LEPR: variants seen among roughly 807,000 people sequenced by gnomAD.
LEPR encodes the protein OB receptor.
A neutral mutation model predicts 114.7 loss-of-function variants in LEPR; 56 were observed. The observed-to-expected ratio is 0.49, with a 90% confidence interval of 0.39 to 0.61. The LOEUF is 0.61. Ranked by LOEUF, LEPR falls within the 20% of genes least tolerant of loss-of-function variation. The pLI, the probability that LEPR is intolerant of heterozygous loss-of-function variation, is 0.00. For synonymous variants in LEPR, 443 were observed against 461.4 expected, an observed-to-expected ratio of 0.96 and a Z score of 0.51; for missense variants, 1,202 against 1,352.9, an observed-to-expected ratio of 0.89 and a Z score of 1.75.
At chr1:65,635,943 T>C (rs1205704775) in intron 19 of LEPR, among the ~76,000 whole-genome samples, 1 of 152,214 alleles carries the variant, frequency 6.6e-6, no homozygotes, top group Admixed American at 6.5e-5. Flanking sequence ...GTTAGTGTAC[T>C]TGTTCATGGT....
intron 2 of LEPR, among the ~76,000 whole-genome samples, chr1:65,493,674 T>C (rs1647996848): frequency 6.6e-6 from 1 of 152,198 alleles, no homozygotes; most frequent in Non-Finnish European, 1.5e-5. Flanking sequence ...GATCTTTCTT[T>C]ACATTTTTAA....
intron 5 of LEPR, among the ~76,000 whole-genome samples, chr1:65,587,849 T>G (rs1042256362): frequency 6.6e-6 from 1 of 152,046 alleles, no homozygotes; most frequent in Non-Finnish European, 1.5e-5. Flanking sequence ...CTATTTTTCA[T>G]GTTTTTTATA....
At chr1:65,630,485 G>T (rs1658472183) in intron 19 of LEPR, 1 of 151,578 alleles carries the variant, frequency 6.6e-6, no homozygotes. Flanking sequence ...ATCTGGAGTG[G>T]TTCTTTTTTT....
intron 2 of LEPR, among the ~76,000 whole-genome samples, chr1:65,559,909 T>C (rs1653181839): frequency 7.0e-6 from 1 of 142,070 alleles, no homozygotes; most frequent in Non-Finnish European, 1.6e-5. Flanking sequence ...CATTGATCTA[T>C]ATCTCTGTTT....
chr1:65,469,959 G>C (rs965841806), intron 2 of LEPR, among the ~76,000 whole-genome samples: 1 of 152,164 alleles, frequency 6.6e-6, no homozygotes, highest in African/African-American at 2.4e-5. Context: ...GTGAGATTAG[G>C]TCAGAGTCAG....
chr1:65,566,423 A>T (rs1380073342), intron 3 of LEPR, among the ~76,000 whole-genome samples: 3 of 152,010 alleles, frequency 2.0e-5, no homozygotes, highest in Non-Finnish European at 2.9e-5. Flanking sequence ...GATGGTCTCA[A>T]TCTCTTGACC....
In LEPR at chr1:65,484,080, C is replaced by T. The variant is rs926350460; in HGVS notation, c.-21+58702C>T. On this transcript the variant is annotated intron_variant, in intron 2 of 19. Transcript: ENST00000349533. Reference sequence around the variant, plus strand: ...TTACATTGCCCAGGCTGGTCTCGAACCCCTAGCTTCAAGAGATCCTCTTGC... The same window carrying T: ...TTACATTGCCCAGGCTGGTCTCGAATCCCTAGCTTCAAGAGATCCTCTTGC... Among the ~76,000 whole-genome samples, 3 of 152,008 alleles carry T rather than the reference C, an allele frequency of 2.0e-5. No individual in the cohort carries two copies. The South Asian group carries it at 6.2e-4, about 32-fold the overall frequency.
rs925413252 is a variant in LEPR at position 65,636,955 on chromosome 1, A to G, written c.3438A>G (p.Gln1146=). Residue 1146 remains glutamine, a synonymous_variant, in exon 20 of 20, where the codon CAA becomes CAG. Coordinates refer to ENST00000349533, the MANE Select transcript of LEPR (RefSeq NM_002303.6). Reference sequence around the variant, plus strand: ...TTGCATCTTACATGCCTCAATTCCAAACTTGTTCTACTCAGACTCATAAGA... The same window carrying G: ...TTGCATCTTACATGCCTCAATTCCAGACTTGTTCTACTCAGACTCATAAGA... The part of the protein sequence containing the change: ...KTFASYMPQF[Q]TCSTQTHKIM... 1 of 1,610,292 alleles carries G rather than the reference A, an allele frequency of 6.2e-7. No individual in the cohort carries two copies. The highest frequency in any genetic ancestry group is 1.3e-5 in the African/African-American group (1 of 74,618).
chr1:65,434,658 C>T (rs913409939), intron 2 of LEPR: 2 of 985,420 alleles, frequency 2.0e-6, no homozygotes, highest in Non-Finnish European at 2.4e-6. Context: ...CTTTCCACCC[C>T]TTTTCCTAAG....
At chr1:65,584,297 C>A (rs1319721472) in intron 5 of LEPR, among the ~76,000 whole-genome samples, 2 of 152,062 alleles carry the variant, frequency 1.3e-5, no homozygotes, top group African/African-American at 4.8e-5. Context: ...AAACCAGTGT[C>A]TGGAGGATAG....
chr1:65,534,853 G>GA (rs746141691), intron 2 of LEPR, among the ~76,000 whole-genome samples: 75 of 152,282 alleles, frequency 4.9e-4, no homozygotes, highest in East Asian at 1.3e-3. Context: ...TTAAAAACGT[G>GA]AAAAACTCAT....
At chr1:65,452,447 C>G (rs1476420120) in intron 2 of LEPR, among the ~76,000 whole-genome samples, 1 of 150,514 alleles carries the variant, frequency 6.6e-6, no homozygotes, top group East Asian at 2.0e-4. Context: ...TTTTGAGATA[C>G]GTCCCATCAA....
chr1:65,453,956 C>T (rs1159074869), intron 2 of LEPR, among the ~76,000 whole-genome samples: 2 of 151,408 alleles, frequency 1.3e-5, no homozygotes, highest in East Asian at 3.9e-4. Flanking sequence ...CTTTATGAAT[C>T]TGGGTGCTCC....
At chr1:65,567,252 G>T (rs1369764954) in intron 3 of LEPR, among the ~76,000 whole-genome samples, 2 of 152,112 alleles carry the variant, frequency 1.3e-5, no homozygotes, top group Non-Finnish European at 2.9e-5. Flanking sequence ...TGTTTTTAAA[G>T]TTCATCATTA....
At position 65,618,130 on chromosome 1, in the gene LEPR, G is replaced by T. The variant is rs368640027; in HGVS notation, c.2379G>T (p.Lys793Asn). Residue 793 changes from lysine to asparagine, a missense_variant, in exon 16 of 20, where the codon AAG becomes AAT. Lys to Asn is a moderately conservative substitution (Grantham distance 94). Transcript: ENST00000349533. ...IKWLRISSSVKKYYIHDHFIP... is the reference protein window; with the variant it reads ...IKWLRISSSVNKYYIHDHFIP... Reference sequence around the variant, plus strand: ...GGCTTAGAATCTCTTCATCTGTTAAGAAGTATTATATCCATGGTAAGTTTA... The same window carrying T: ...GGCTTAGAATCTCTTCATCTGTTAATAAGTATTATATCCATGGTAAGTTTA... 3 of 1,607,638 alleles carry T rather than the reference G, an allele frequency of 1.9e-6. No homozygotes were observed. The African/African-American group carries it at 4.0e-5, about 22-fold the overall frequency.
chr1:65,585,341 A>T (rs566160950), intron 5 of LEPR, among the ~76,000 whole-genome samples: 1 of 152,212 alleles, frequency 6.6e-6, no homozygotes, highest in South Asian at 2.1e-4. Context: ...ATTTGGTGTT[A>T]TTCCTGTAAT....
In LEPR at chr1:65,472,647, CAT is replaced by C. The variant is rs200655862; in HGVS notation, c.-21+47274_-21+47275del. Among the ~76,000 whole-genome samples the C allele has an allele frequency of 2.5e-3, 358 of 144,636 alleles. 3 individuals are homozygous for C. Among genetic ancestry groups the C allele is most frequent in the African/African-American group, 7.8e-3 (313 of 39,984 alleles). The allele number at this position is 144,636 out of a possible 152,430, so 94.9% of individuals were successfully genotyped here. A position where few individuals can be genotyped will look rare whatever the true frequency, so the allele number is the denominator to read the frequency against. On this transcript the variant is annotated intron_variant, in intron 2 of 19. Transcript: ENST00000349533. ...ACACACACACACACACACACACACA[CAT>C]ATATTTCTTTTTTAAAAGAGTGTAA... is the stretch of plus-strand genomic sequence containing the variant.
At chr1:65,607,931 G>A (rs1006491666) in intron 11 of LEPR, among the ~76,000 whole-genome samples, 1 of 152,144 alleles carries the variant, frequency 6.6e-6, no homozygotes, top group East Asian at 1.9e-4. Flanking sequence ...CTTTAAACAT[G>A]TCTTGTTATG....
rs111515409 is a variant in LEPR, at chr1:65,477,644, G to C, written c.-21+52266G>C. Among the ~76,000 whole-genome samples, 314 of 152,334 alleles carry C rather than the reference G, an allele frequency of 2.1e-3. 1 individual carries two copies. The highest frequency in any genetic ancestry group is 7.4e-3 in the African/African-American group (308 of 41,586). ...GGCCAAGGGCAGGTGCCATACACAA[G>C]TGCAAGGCCATACTGAAGAGGCCAC... On this transcript the variant is annotated intron_variant, in intron 2 of 19. Coordinates refer to ENST00000349533, the MANE Select transcript of LEPR (RefSeq NM_002303.6).
Sources: gnomAD v4.1 joint callset for allele counts (sites outside exome capture counted in the v4.1 genomes callset) on GRCh38, gnomAD v4.1.1 for gene constraint, MANE v1.5 for transcripts, NCBI Gene and HGNC (gene_info 2026-07-23, HGNC 2026-07-21) for gene names.